IGSF9B: variants seen among roughly 807,000 people sequenced by gnomAD.
The protein encoded by IGSF9B is immunoglobulin superfamily member 9B, also known as protein turtle homolog B.
In IGSF9B, 48 loss-of-function variants were observed where a neutral mutation model predicts 143.7. The observed-to-expected ratio is 0.33, with a 90% confidence interval of 0.26 to 0.42. The LOEUF (loss-of-function observed/expected upper bound fraction) is 0.42. IGSF9B is among the 20% of genes least tolerant of loss of function. The probability of loss-of-function intolerance (pLI) is 1.00; values close to 1 mark genes in which losing one functional copy is unlikely to be tolerated. For synonymous variants in IGSF9B, 903 were observed against 833.1 expected (o/e 1.08, Z -1.44); for missense variants, 1,706 against 1,980.0 (o/e 0.86, Z 2.63).
intron 18 of IGSF9B, 82 bp downstream of exon 18, chr11:133,919,660 T>G (rs1939472039): frequency 2.2e-6 from 2 of 897,000 alleles, no homozygotes; most frequent in Non-Finnish European, 3.1e-6. Flanking sequence ...GCCGGGCGGA[T>G]GGACGGGGTG....
chr11:133,928,339 T>C lies in IGSF9B; in HGVS notation c.1632-1248A>G, dbSNP rs1478618506. 6.6e-6 allele frequency among the ~76,000 whole-genome samples: 1 copy of C among 151,944 alleles called. No individual in the cohort carries two copies. Among genetic ancestry groups the C allele is most frequent in the Non-Finnish European group, 1.5e-5 (1 of 67,990 alleles). ...GGGACGGGAGGTGAGCTGCGGCAAC[T>C]CCCATCATCCAGGTGCAGTTCTCCA... On this transcript the variant is annotated intron_variant, in intron 12 of 19. Transcript: ENST00000533871. The surrounding 1 kb of genome is among the most constrained non-coding windows in gnomAD (Gnocchi z 4.7).
At position 133,909,331 on chromosome 11, in the gene IGSF9B, C is replaced by T. The variant is rs935251374; in HGVS notation, c.4106-54G>A. On this transcript the variant is annotated intron_variant, in intron 19 of 19. Coordinates refer to ENST00000533871, the MANE Select transcript of IGSF9B (RefSeq NM_001277285.4). This position sits in a 1 kb window ranked among gnomAD's most constrained non-coding sequence, Gnocchi z 4.2. ...GAGAAGCAAGCGGATGAAAAGGAAG[C>T]ACGCAGCCTGCTCACCTTTTCCACC... The T allele has an allele frequency of 2.1e-5, 28 of 1,353,692 alleles. No individual in the cohort carries two copies. The highest frequency in any genetic ancestry group is 2.0e-4 in the Middle Eastern group (1 of 5,054). 83.9% of individuals were successfully genotyped at this position (1,353,692 alleles called of 1,614,324 possible). A position where few individuals can be genotyped will look rare whatever the true frequency, so the allele number is the denominator to read the frequency against.
In IGSF9B at chr11:133,956,803, G is replaced by C. The variant is rs1320288486; in HGVS notation, c.-49C>G. The C allele has an allele frequency of 2.5e-6, 3 of 1,206,212 alleles. No homozygotes were observed. Among genetic ancestry groups the C allele is most frequent in the Non-Finnish European group, 3.3e-6 (3 of 902,950 alleles). The allele number at this position is 1,206,212 out of a possible 1,614,324, so 74.7% of individuals were successfully genotyped here. A position where few individuals can be genotyped will look rare whatever the true frequency, so the allele number is the denominator to read the frequency against. ...CCTCATCCTATCGCAAAGTGCTCCC[G>C]CGCCCGCACGCGCCTCGCGCCCGAG... On this transcript the variant is annotated 5_prime_UTR_variant, in exon 1 of 20. Coordinates refer to ENST00000533871, the MANE Select transcript of IGSF9B (RefSeq NM_001277285.4).
At chr11:133,929,598 T>G in intron 12 of IGSF9B, 73 bp downstream of exon 12, 3 of 1,115,258 alleles carry the variant, frequency 2.7e-6, no homozygotes, top group Non-Finnish European at 4.1e-6. Context: ...CCACCCGGGG[T>G]AGCCTGCAGG....
chr11:133,908,779 T>G lies in IGSF9B; in HGVS notation c.*290A>C. The G allele has an allele frequency of 5.6e-6, 2 of 358,976 alleles. No individual in the cohort carries two copies. The highest frequency in any genetic ancestry group is 1.0e-5 in the Non-Finnish European group (2 of 195,690). The allele number at this position is 358,976 out of a possible 1,614,324, so 22.2% of individuals were successfully genotyped here. ...TCACTTCCAAAGACATTGGAAGAGATGAGAAAAATCAACCTAGTGAAGCAG... is the reference window on the plus strand; with the variant it reads ...TCACTTCCAAAGACATTGGAAGAGAGGAGAAAAATCAACCTAGTGAAGCAG... On this transcript the variant is annotated 3_prime_UTR_variant, in exon 20 of 20. Coordinates refer to ENST00000533871, the MANE Select transcript of IGSF9B (RefSeq NM_001277285.4).
chr11:133,917,699 A>G (rs1046214554), intron 18 of IGSF9B, among the ~76,000 whole-genome samples: 2 of 152,106 alleles, frequency 1.3e-5, no homozygotes, highest in Admixed American at 1.3e-4. Flanking sequence ...ACTGTCAAGG[A>G]AGAAGTGGGG....
rs1353135417 is a variant in IGSF9B at position 133,925,959 on chromosome 11, G to T, written c.1814C>A (p.Pro605His). ...CACCAGGGGTTCTGGAGTTGTAATA[G>T]GGAATGCTGCGGCGGGGGAAGGAGA... ...EVVTVNTLAF[P>H]ITTPEPLVLV... The change falls in exon 14 of 20, where the codon CCT becomes CAT. Residue 605 changes from proline to histidine, a missense_variant. Pro to His is a moderately conservative substitution (Grantham distance 77, BLOSUM62 -2). This residue lies in a region of IGSF9B where 267 missense variants were observed against 321.1 expected (regional missense o/e 0.83). Coordinates refer to ENST00000533871, the MANE Select transcript of IGSF9B (RefSeq NM_001277285.4). 1 of 1,597,714 alleles carries T rather than the reference G, an allele frequency of 6.3e-7. No individual in the cohort carries two copies. The highest frequency in any genetic ancestry group is 1.1e-5 in the South Asian group (1 of 88,552).
rs1203507756 is a variant in IGSF9B at position 133,927,031 on chromosome 11, G to T, written c.1692C>A (p.Pro564=). Residue 564 remains proline (P), a synonymous_variant, in exon 13 of 20, where the codon CCC becomes CCA. Transcript: ENST00000533871. ...CCAGGGTGTCCACCAGCAGCCAGCT[G>T]GGTCCTGGCGGCACTGGCAAGGACA... ...DWLSLPVPPG[P]SWLLVDTLEP... 15 of 1,566,824 alleles carry T rather than the reference G, an allele frequency of 9.6e-6. No individual in the cohort carries two copies. The highest frequency in any genetic ancestry group is 2.7e-5 in the African/African-American group (2 of 73,688).
At chr11:133,911,717 T>TA (rs1025176834) in intron 19 of IGSF9B, among the ~76,000 whole-genome samples, 169 bp downstream of exon 19, 6 of 151,816 alleles carry the variant, frequency 4.0e-5, no homozygotes, top group Admixed American at 6.6e-5. Flanking sequence ...AAAATAGTGT[T>TA]AAAAAAAAGA....
chr11:133,922,950 G>A (rs76736897), intron 15 of IGSF9B, among the ~76,000 whole-genome samples: 2,745 of 152,322 alleles, frequency 0.018, 89 homozygotes, highest in African/African-American at 0.063. Context: ...AGGGTGTAAA[G>A]AAGAAAACAT....
chr11:133,946,188 G>C lies in IGSF9B; in HGVS notation c.135C>G (p.Cys45Trp). The C allele has an allele frequency of 6.2e-7, 1 of 1,613,664 alleles. No homozygotes were observed. The part of the protein sequence containing the change: ...ARAGESVVLR[C>W]DVIHPVTGQP... Reference sequence around the variant, plus strand: ...GTCCCGTCACTGGGTGGATCACGTCGCATCGCAGGACCACGCTCTCCCCAG... The same window carrying C: ...GTCCCGTCACTGGGTGGATCACGTCCCATCGCAGGACCACGCTCTCCCCAG... The change falls in exon 2 of 20, where the codon TGC (cysteine) becomes TGG (tryptophan). Residue 45 changes from cysteine (C) to tryptophan (W), a missense_variant. Transcript: ENST00000533871.
At chr11:133,932,457 GGACA>G (rs1332331592) in intron 7 of IGSF9B, among the ~76,000 whole-genome samples, 100 of 146,686 alleles carry the variant, frequency 6.8e-4, no homozygotes, top group African/African-American at 1.4e-3. Flanking sequence ...ACAGACACAG[GGACA>G]GACAGACAGA....
intron 5 of IGSF9B, 149 bp downstream of exon 5, chr11:133,937,227 A>G: frequency 1.7e-6 from 1 of 575,736 alleles, no homozygotes; most frequent in Non-Finnish European, 3.0e-6. Context: ...GGCAGCAGGC[A>G]GCACACAGGA....
chr11:133,931,323 A>C lies in IGSF9B; in HGVS notation c.1368+130T>G. On this transcript the variant is annotated intron_variant, in intron 10 of 19. Transcript: ENST00000533871. This position sits in a 1 kb window ranked among gnomAD's most constrained non-coding sequence, Gnocchi z 7.7. Reference sequence around the variant, plus strand: ...CCTGGTCAGGGCAGGTCCAGAATAGAACTGCTCGCTGGGCCCTCACACCTC... The same window carrying C: ...CCTGGTCAGGGCAGGTCCAGAATAGCACTGCTCGCTGGGCCCTCACACCTC... The C allele has an allele frequency of 1.2e-6, 1 of 854,266 alleles. No homozygotes were observed. The highest frequency in any genetic ancestry group is 1.8e-6 in the Non-Finnish European group (1 of 545,530). The allele number at this position is 854,266 out of a possible 1,614,324, so 52.9% of individuals were successfully genotyped here. A position where few individuals can be genotyped will look rare whatever the true frequency, so the allele number is the denominator to read the frequency against.
intron 11 of IGSF9B, among the ~76,000 whole-genome samples, chr11:133,930,469 C>G (rs187199429): frequency 6.6e-6 from 1 of 152,156 alleles, no homozygotes; most frequent in African/African-American, 2.4e-5. Context: ...CCCAGAAGGA[C>G]AGGCTGAGAG....
At chr11:133,923,624 T>A (rs1939578736) in intron 15 of IGSF9B, among the ~76,000 whole-genome samples, 1 of 152,270 alleles carries the variant, frequency 6.6e-6, no homozygotes, top group Admixed American at 6.5e-5. Flanking sequence ...AATTCATTGC[T>A]GCATCGATAA....
At chr11:133,935,404 C>T (rs1000047841) in intron 7 of IGSF9B, among the ~76,000 whole-genome samples, 3 of 152,224 alleles carry the variant, frequency 2.0e-5, no homozygotes, top group African/African-American at 4.8e-5. Context: ...GGCTGAACAG[C>T]GACGCCTGGC....
Position 133,909,156 on chromosome 11 carries a change from G to C in IGSF9B, c.4227C>G (p.Asp1409Glu). ...SRPDPFARLS[D>E]LCHRQLPEDQ... ...CTTCCGGAAGCTGGCGGTGGCACAA[G>C]TCTGAGAGCCGGGCAAAGGGGTCAG... is the stretch of plus-strand genomic sequence containing the variant. The change falls in exon 20 of 20, where the codon GAC (aspartate) becomes GAG (glutamate). Residue 1409 changes from aspartate (D) to glutamate (E), a missense_variant. Coordinates refer to ENST00000533871, the MANE Select transcript of IGSF9B (RefSeq NM_001277285.4). The surrounding 1 kb of genome is among the most constrained non-coding windows in gnomAD (Gnocchi z 4.2). 1 of 1,535,944 alleles carries C rather than the reference G, an allele frequency of 6.5e-7. No homozygotes were observed. The highest frequency in any genetic ancestry group is 8.7e-7 in the Non-Finnish European group (1 of 1,146,758).
intron 12 of IGSF9B, among the ~76,000 whole-genome samples, chr11:133,927,952 G>T (rs562448922): frequency 1.2e-4 from 19 of 152,182 alleles, no homozygotes; most frequent in Non-Finnish European, 2.4e-4. Context: ...GGCGCCAAAC[G>T]TCGGAGTCAG....
Sources: allele counts gnomAD v4.1 joint callset (sites outside exome capture counted in the v4.1 genomes callset), GRCh38; gene constraint gnomAD v4.1.1; regional missense constraint gnomAD v4.1.1; non-coding constraint Gnocchi (gnomAD v3.1); transcripts MANE v1.5; gene names NCBI Gene and HGNC (gene_info 2026-07-23, HGNC 2026-07-21).